SPIDR: variants seen among roughly 807,000 people sequenced by gnomAD.
The protein encoded by SPIDR is DNA repair-scaffolding protein.
SPIDR carries 93 observed loss-of-function variants against 104.6 expected under a neutral mutation model. The ratio of observed to expected loss-of-function variants is 0.89; its 90% CI spans 0.75 to 1.06. SPIDR has a LOEUF of 1.06. Among genes scored for constraint, SPIDR ranks in the 50% least tolerant of loss-of-function variants. SPIDR has a pLI of 0.00. For missense variants in SPIDR, 1,154 were observed against 1,111.2 expected (o/e 1.04, Z -0.55); for synonymous variants, 431 against 416.9 (o/e 1.03, Z -0.41).
intron 8 of SPIDR, among the ~76,000 whole-genome samples, chr8:47,479,737 A>G (rs1413571717): frequency 6.6e-6 from 1 of 152,210 alleles, no homozygotes; most frequent in African/African-American, 2.4e-5. Context: ...GGAATTTGCT[A>G]CACATTCTAG....
intron 3 of SPIDR, among the ~76,000 whole-genome samples, chr8:47,287,527 G>A (rs2039082500): frequency 9.9e-5 from 15 of 152,076 alleles, no homozygotes; most frequent in Non-Finnish European, 1.5e-4. Context: ...GACACTCCCA[G>A]AGTGGCCGTT....
At chr8:47,582,056 A>G (rs548874688) in intron 8 of SPIDR, among the ~76,000 whole-genome samples, 1 of 152,198 alleles carries the variant, frequency 6.6e-6, no homozygotes, top group South Asian at 2.1e-4. Context: ...GTCTCTACTA[A>G]AAATACAAAA....
chr8:47,654,282 C>T, intron 10 of SPIDR: 1 of 726,338 alleles, frequency 1.4e-6, no homozygotes, highest in South Asian at 1.5e-5. Flanking sequence ...ATGTAGGTGG[C>T]AGGAAGGGCC....
intron 5 of SPIDR, among the ~76,000 whole-genome samples, chr8:47,361,909 C>T (rs1198969273): frequency 2.0e-5 from 3 of 152,196 alleles, no homozygotes; most frequent in Non-Finnish European, 4.4e-5. Context: ...TTGTGAGGGA[C>T]AGCACATGTG....
chr8:47,279,881 C>T lies in SPIDR; in HGVS notation c.53C>T (p.Thr18Ile). Residue 18 changes from threonine to isoleucine, a missense_variant, in exon 2 of 20, where the codon ACA becomes ATA. Physicochemically the swap from Thr to Ile is moderately conservative, Grantham distance 89 (BLOSUM62 -1). Transcript: ENST00000297423. ...RGSKRKRSWN[T>I]ECPSFPGERP... ...CCACAGAGAAAAAGGAGTTGGAATA[C>T]AGAATGCCCATCCTTTCCAGGAGAA... 7 of 1,612,344 alleles carry T rather than the reference C, an allele frequency of 4.3e-6. No homozygotes were observed. Among genetic ancestry groups the T allele is most frequent in the Non-Finnish European group, 5.1e-6 (6 of 1,179,150 alleles).
chr8:47,410,231 G>A (rs2063318550), intron 7 of SPIDR, among the ~76,000 whole-genome samples: 1 of 151,422 alleles, frequency 6.6e-6, no homozygotes, highest in East Asian at 1.9e-4. Flanking sequence ...ACCCAGGCTG[G>A]AGTGTAGTGG....
intron 8 of SPIDR, among the ~76,000 whole-genome samples, chr8:47,545,215 G>C (rs915772619): frequency 6.7e-6 from 1 of 149,940 alleles, no homozygotes; most frequent in Non-Finnish European, 1.5e-5. Flanking sequence ...CTGCCTCCTG[G>C]GTTCAAGCGA....
At chr8:47,313,326 A>G (rs1442813779) in intron 5 of SPIDR, among the ~76,000 whole-genome samples, 2 of 152,210 alleles carry the variant, frequency 1.3e-5, no homozygotes, top group Non-Finnish European at 2.9e-5. Flanking sequence ...TTCAAAGAGA[A>G]TAAAATACCT....
At chr8:47,671,619 A>AATAAATAAATAAATAAATAC (rs957353976) in intron 10 of SPIDR, among the ~76,000 whole-genome samples, 2 of 149,158 alleles carry the variant, frequency 1.3e-5, no homozygotes, top group South Asian at 2.2e-4. Flanking sequence ...TAAATAAATA[A>AATAAATAAATAAATAAATAC]ATACAAATAA....
intron 11 of SPIDR, among the ~76,000 whole-genome samples, chr8:47,699,715 C>T (rs919564215): frequency 3.3e-5 from 5 of 152,152 alleles, no homozygotes; most frequent in South Asian, 2.1e-4. Context: ...CCATCATGCC[C>T]GGCTAATTTT....
At position 47,599,084 on chromosome 8, in the gene SPIDR, C is replaced by T. The variant is rs1042750905; in HGVS notation, c.1432C>T (p.Pro478Ser). ...VVESQGAASW[P>S]GAGVRVVVQR... ...GGAAAGCCAGGGAGCTGCCTCGTGG[C>T]CAGGAGCTGGAGTCCGAGTGGTGGT... is the stretch of plus-strand genomic sequence containing the variant. Residue 478 changes from proline (P) to serine (S), a missense_variant, in exon 10 of 20, where the codon CCA becomes TCA. Coordinates refer to ENST00000297423, the MANE Select transcript of SPIDR (RefSeq NM_001080394.4). The T allele has an allele frequency of 3.1e-6, 5 of 1,612,684 alleles. No homozygotes were observed. The highest frequency in any genetic ancestry group is 3.4e-6 in the Non-Finnish European group (4 of 1,179,424).
At chr8:47,570,292 G>T (rs561934467) in intron 8 of SPIDR, among the ~76,000 whole-genome samples, 5 of 152,234 alleles carry the variant, frequency 3.3e-5, no homozygotes, top group East Asian at 3.9e-4. Flanking sequence ...TTCAACAAAG[G>T]TACCAAGATC....
intron 8 of SPIDR, chr8:47,527,764 GTTTTA>G (rs931287212): frequency 1.3e-5 from 2 of 152,280 alleles, no homozygotes; most frequent in Non-Finnish European, 1.5e-5. Context: ...GTGGGCTACT[GTTTTA>G]TTTTATTTTT....
At chr8:47,447,740 C>T (rs1176942145) in intron 8 of SPIDR, among the ~76,000 whole-genome samples, 1 of 152,160 alleles carries the variant, frequency 6.6e-6, no homozygotes, top group East Asian at 1.9e-4. Flanking sequence ...ATGCAGCAAA[C>T]TTTATTGTTC....
At chr8:47,484,268 GA>G (rs1156352550) in intron 8 of SPIDR, among the ~76,000 whole-genome samples, 5 of 152,238 alleles carry the variant, frequency 3.3e-5, no homozygotes, top group African/African-American at 1.2e-4. Context: ...AGTAACTTTT[GA>G]TGAGCGTTCA....
In SPIDR at chr8:47,440,526, C is replaced by G; in HGVS notation, c.1081C>G (p.Arg361Gly). Residue 361 changes from arginine (R) to glycine (G), a missense_variant, in exon 8 of 20, where the codon CGG (arginine) becomes GGG (glycine). Physicochemically the swap from Arg to Gly is moderately radical, Grantham distance 125. Coordinates refer to ENST00000297423, the MANE Select transcript of SPIDR (RefSeq NM_001080394.4). The part of the protein sequence containing the change: ...YLRGRPQDTV[R>G]IFPPWQKLII... ...CAGGGGCCGTCCCCAGGACACTGTCCGGATCTTCCCTCCCTGGTGAGTGCG... is the reference window on the plus strand; with the variant it reads ...CAGGGGCCGTCCCCAGGACACTGTCGGGATCTTCCCTCCCTGGTGAGTGCG... 1 of 1,613,978 alleles carries G rather than the reference C, an allele frequency of 6.2e-7. No homozygotes were observed. The highest frequency in any genetic ancestry group is 1.3e-5 in the African/African-American group (1 of 75,072).
chr8:47,595,869 G>A lies in SPIDR; in HGVS notation c.1156G>A (p.Glu386Lys). 1 of 1,614,208 alleles carries A rather than the reference G, an allele frequency of 6.2e-7. No individual in the cohort carries two copies. Among genetic ancestry groups the A allele is most frequent in the Non-Finnish European group, 8.5e-7 (1 of 1,180,030 alleles). Residue 386 changes from glutamate (E) to lysine (K), a missense_variant, in exon 9 of 20, where the codon GAG (glutamate) becomes AAG (lysine). Physicochemically the swap from Glu to Lys is moderately conservative, Grantham distance 56. Coordinates refer to ENST00000297423, the MANE Select transcript of SPIDR (RefSeq NM_001080394.4). ...TGTTATTCTGAATACTTACTTTTGT[G>A]AGAAAGTTGTTGCCAAAGAAGATTC... ...CPVILNTYFCEKVVAKEDSEK... is the reference protein window; with the variant it reads ...CPVILNTYFCKKVVAKEDSEK...
intron 7 of SPIDR, among the ~76,000 whole-genome samples, chr8:47,426,137 C>T (rs535049901): frequency 6.6e-6 from 1 of 152,184 alleles, no homozygotes; most frequent in East Asian, 1.9e-4. Context: ...TCCTGTAATC[C>T]CAGCTACTTG....
chr8:47,414,578 G>A (rs1461732387), intron 7 of SPIDR, among the ~76,000 whole-genome samples: 2 of 152,008 alleles, frequency 1.3e-5, no homozygotes, highest in Non-Finnish European at 2.9e-5. Flanking sequence ...TTCCATTTGG[G>A]GAGTATTTAA....
Sources: gnomAD v4.1 joint callset for allele counts (sites outside exome capture counted in the v4.1 genomes callset) on GRCh38, gnomAD v4.1.1 for gene constraint, MANE v1.5 for transcripts, NCBI Gene and HGNC (gene_info 2026-07-23, HGNC 2026-07-21) for gene names.